The following PTPRS variants were observed in gnomAD, a reference collection of about 807,000 sequenced individuals.
PTPRS encodes receptor-type tyrosine-protein phosphatase S.
Under a neutral mutation model 215.3 loss-of-function variants are expected in PTPRS, and 63 were observed. The observed-to-expected ratio is 0.29, with a 90% confidence interval of 0.24 to 0.36. The LOEUF (loss-of-function observed/expected upper bound fraction) is 0.36. Ranked by LOEUF, PTPRS falls within the 10% of genes least tolerant of loss-of-function variation. The pLI, the probability that PTPRS is intolerant of heterozygous loss-of-function variation, is 1.00. For synonymous variants in PTPRS, 1,404 were observed against 1,191.4 expected (o/e 1.18, Z -3.68); for missense variants, 2,258 against 2,825.8 (o/e 0.80, Z 4.56).
At chr19:5,211,921 C>A (rs371281982) in intron 32 of PTPRS, 44 bp downstream of exon 32, 3 of 1,549,262 alleles carry the variant, frequency 1.9e-6, no homozygotes, top group African/African-American at 2.7e-5. Context: ...GCTCTTTGGG[C>A]CTCCTCCCCA....
chr19:5,231,076 C>A (rs1432168041), intron 14 of PTPRS, among the ~76,000 whole-genome samples: 1 of 152,212 alleles, frequency 6.6e-6, no homozygotes, highest in East Asian at 1.9e-4. Context: ...GCGAAACTGT[C>A]CAGGCACGAG....
In PTPRS at chr19:5,237,369, G is replaced by A. The variant is rs575401891; in HGVS notation, c.1849+1550C>T. On this transcript the variant is annotated intron_variant, in intron 13 of 37. Transcript: ENST00000262963. This position sits in a 1 kb window ranked among gnomAD's most constrained non-coding sequence, Gnocchi z 4.2. ...CCCCACCCGTCTCGGGGCAAGAAGC[G>A]GGGAGTCCCTTCTCCCCAACTCCCT... 1.3e-5 allele frequency among the ~76,000 whole-genome samples: 2 copies of A among 152,342 alleles called. No individual in the cohort carries two copies. Among genetic ancestry groups the A allele is most frequent in the South Asian group, 2.1e-4 (1 of 4,834 alleles).
intron 4 of PTPRS, among the ~76,000 whole-genome samples, chr19:5,266,063 C>T (rs1323614631): frequency 6.6e-6 from 1 of 151,964 alleles, no homozygotes; most frequent in African/African-American, 2.4e-5. Flanking sequence ...AGTTTAAGAC[C>T]CAGCCTGGCC....
At chr19:5,231,795 G>A (rs561113210) in intron 13 of PTPRS, among the ~76,000 whole-genome samples, 180 bp from the exon 14 acceptor site, 12 of 152,160 alleles carry the variant, frequency 7.9e-5, no homozygotes, top group Admixed American at 2.6e-4. Flanking sequence ...AAGGTGGGAT[G>A]GGCGGGTGGA....
In PTPRS at chr19:5,214,688, C is replaced by A; in HGVS notation, c.4367G>T (p.Arg1456Leu). The A allele has an allele frequency of 6.2e-7, 1 of 1,612,312 alleles. No homozygotes were observed. Among genetic ancestry groups the A allele is most frequent in the Non-Finnish European group, 8.5e-7 (1 of 1,179,388 alleles). The change falls in exon 29 of 38, where the codon CGG becomes CTG. Residue 1456 changes from arginine to leucine, a missense_variant. By Grantham distance (102) the Arg-to-Leu change is moderately radical (BLOSUM62 -2). Transcript: ENST00000262963. ...CGTGGCAATGTACGCGTTCTGACAC[C>A]GGTAGCCGTCCACGTAGTTGGCATT... ...YINANYVDGYRCQNAYIATQG... is the reference protein window; with the variant it reads ...YINANYVDGYLCQNAYIATQG...
chr19:5,305,675 G>A (rs1457543951), intron 1 of PTPRS, among the ~76,000 whole-genome samples: 1 of 151,494 alleles, frequency 6.6e-6, no homozygotes, highest in Non-Finnish European at 1.5e-5. Flanking sequence ...GCTGCAGTGA[G>A]TGATGATCCT....
At chr19:5,260,457 G>C (rs1488144591) in intron 7 of PTPRS, among the ~76,000 whole-genome samples, 2 of 152,164 alleles carry the variant, frequency 1.3e-5, no homozygotes, top group Non-Finnish European at 2.9e-5. Context: ...TGGGATTACA[G>C]GCGTGAACCA....
In PTPRS at chr19:5,339,248, A is replaced by G. The variant is rs1207187632; in HGVS notation, c.-95+1416T>C. 1.3e-5 allele frequency among the ~76,000 whole-genome samples: 2 copies of G among 151,982 alleles called. No homozygotes were observed. The highest frequency in any genetic ancestry group is 4.8e-5 in the African/African-American group (2 of 41,400). ...CAGAAGGGGGAGGCAAGGCACCCCC[A>G]ATGAGGCTCTGGGAGGTTTGTTAAT... is the stretch of plus-strand genomic sequence containing the variant. On this transcript the variant is annotated intron_variant, in intron 1 of 37. Coordinates refer to ENST00000262963, the MANE Select transcript of PTPRS (RefSeq NM_002850.4). The surrounding 1 kb of genome is among the most constrained non-coding windows in gnomAD (Gnocchi z 4.2).
chr19:5,211,263 G>A (rs2040852292), intron 33 of PTPRS, among the ~76,000 whole-genome samples: 1 of 152,184 alleles, frequency 6.6e-6, no homozygotes, highest in South Asian at 2.1e-4. Flanking sequence ...ACTGTAGGAT[G>A]CTGAGCAGCA....
intron 4 of PTPRS, among the ~76,000 whole-genome samples, chr19:5,268,060 C>T (rs1281088544): frequency 1.3e-5 from 2 of 152,232 alleles, no homozygotes; most frequent in East Asian, 3.9e-4. Flanking sequence ...GTCCCAGCTA[C>T]TCGGGAGGCT....
intron 10 of PTPRS, among the ~76,000 whole-genome samples, chr19:5,245,146 ATTTT>A (rs74173042): frequency 7.3e-6 from 1 of 136,164 alleles, no homozygotes; most frequent in Non-Finnish European, 1.6e-5. Context: ...CGCCCAGCTA[ATTTT>A]TTTTTTTTTT....
intron 2 of PTPRS, among the ~76,000 whole-genome samples, chr19:5,279,884 C>T (rs1006825606): frequency 8.5e-5 from 13 of 152,138 alleles, no homozygotes; most frequent in East Asian, 3.9e-4. Context: ...GGGGTTTCAC[C>T]GTGTTAGCCA....
chr19:5,207,144 G>C (rs958391398), intron 37 of PTPRS, among the ~76,000 whole-genome samples: 1 of 152,188 alleles, frequency 6.6e-6, no homozygotes, highest in African/African-American at 2.4e-5. Context: ...GAGTGCAGTG[G>C]CGCCATCTTG....
chr19:5,327,282 A>G (rs1335966424), intron 1 of PTPRS, among the ~76,000 whole-genome samples: 1 of 152,122 alleles, frequency 6.6e-6, no homozygotes, highest in Non-Finnish European at 1.5e-5. Flanking sequence ...CTGATCATCA[A>G]GCTGTATTTT....
At chr19:5,320,960 C>T (rs1364472215) in intron 1 of PTPRS, among the ~76,000 whole-genome samples, 1 of 152,112 alleles carries the variant, frequency 6.6e-6, no homozygotes, top group East Asian at 1.9e-4. Flanking sequence ...ACAGTCTCAA[C>T]GAATGAGAAG....
chr19:5,223,227 CG>C lies in PTPRS; in HGVS notation c.2564del (p.Pro855ArgfsTer67). The C allele has an allele frequency of 2.0e-6, 3 of 1,494,186 alleles. No homozygotes were observed. The highest frequency in any genetic ancestry group is 8.9e-7 in the Non-Finnish European group (1 of 1,122,014). The allele number at this position is 1,494,186 out of a possible 1,614,324, so 92.6% of individuals were successfully genotyped here. A position where few individuals can be genotyped will look rare whatever the true frequency, so the allele number is the denominator to read the frequency against. On this transcript the variant is annotated frameshift_variant, in exon 18 of 38. Transcript: ENST00000262963. LOFTEE classifies it high-confidence loss of function. The part of the protein sequence containing the change: ...EGSLLARWEP[P>X]AGTAEDQVLG... ...GCACCTGGTCCTCCGCGGTGCCAGC[CG>C]GGGGCTCCCAGCGTGCCAGCAGGCT...
At chr19:5,222,614 G>A (rs2042090103) in intron 18 of PTPRS, 75 bp downstream of exon 18, 2 of 1,390,386 alleles carry the variant, frequency 1.4e-6, no homozygotes, top group Non-Finnish European at 1.9e-6. Flanking sequence ...CTGGGCAGGG[G>A]AGAGGGAGGG....
chr19:5,216,395 T>C (rs1298965348), intron 26 of PTPRS, among the ~76,000 whole-genome samples: 3 of 152,124 alleles, frequency 2.0e-5, no homozygotes, highest in Non-Finnish European at 4.4e-5. Flanking sequence ...GAGACTTCCA[T>C]GTGTCCCTAG....
At chr19:5,221,879 C>A (rs2145366095) in intron 19 of PTPRS, among the ~76,000 whole-genome samples, 1 of 152,330 alleles carries the variant, frequency 6.6e-6, no homozygotes, top group South Asian at 2.1e-4. Flanking sequence ...AAGCCACAAT[C>A]CAAGGCTGAG....
Sources: allele counts gnomAD v4.1 joint callset (sites outside exome capture counted in the v4.1 genomes callset), GRCh38; gene constraint gnomAD v4.1.1; non-coding constraint Gnocchi (gnomAD v3.1); transcripts MANE v1.5; gene names NCBI Gene and HGNC (gene_info 2026-07-23, HGNC 2026-07-21).